The following GGA2 variants were observed in gnomAD, a reference collection of about 807,000 sequenced individuals.
GGA2 encodes the protein ADP-ribosylation factor-binding protein GGA2.
Under a neutral mutation model 79.5 loss-of-function variants are expected in GGA2, and 48 were observed. The ratio of observed to expected loss-of-function variants is 0.60; its 90% CI spans 0.48 to 0.77. The LOEUF is 0.77. Ranked by LOEUF, GGA2 falls within the 30% of genes least tolerant of loss-of-function variation. The probability of loss-of-function intolerance (pLI) is 0.00; values close to 1 mark genes in which losing one functional copy is unlikely to be tolerated. For synonymous variants in GGA2, 317 were observed against 302.0 expected (o/e 1.05, Z -0.51); for missense variants, 770 against 774.0 (o/e 0.99, Z 0.06).
upstream of GGA2, among the ~76,000 whole-genome samples, chr16:23,512,079 C>A (rs550898604): frequency 5.8e-4 from 89 of 152,252 alleles, no homozygotes; most frequent in African/African-American, 2.0e-3. Context: ...GCTGTTGTGC[C>A]GTACCCCTAT....
intron 1 of GGA2, 34 bp downstream of exon 1, chr16:23,510,287 A>C (rs1030467297): frequency 1.5e-6 from 2 of 1,356,716 alleles, no homozygotes; most frequent in African/African-American, 3.1e-5. Context: ...CGTGCGGCGC[A>C]GCGGCTGCGC....
Position 23,465,537 on chromosome 16 carries a change from C to T in GGA2, c.*2053G>A. On this transcript the variant is annotated 3_prime_UTR_variant, in exon 17 of 17. Transcript: ENST00000309859. ...CCTAACTATAGGGGAGAAAGCCTGT[C>T]TTTATGTATAAGTCTCATTCACCCA... 1.6e-6 allele frequency: 1 copy of T among 641,878 alleles called. No individual in the cohort carries two copies. Among genetic ancestry groups the T allele is most frequent in the Non-Finnish European group, 2.8e-6 (1 of 356,314 alleles). 39.8% of individuals were successfully genotyped at this position (641,878 alleles called of 1,614,324 possible). A position where few individuals can be genotyped will look rare whatever the true frequency, so the allele number is the denominator to read the frequency against.
At chr16:23,476,146 T>A (rs535090318) in intron 13 of GGA2, among the ~76,000 whole-genome samples, 3 of 152,288 alleles carry the variant, frequency 2.0e-5, no homozygotes, top group South Asian at 2.1e-4. Context: ...ATCCACTCCA[T>A]GATTTTGTTC....
chr16:23,511,483 G>A (rs989748904), upstream of GGA2, among the ~76,000 whole-genome samples: 1 of 144,972 alleles, frequency 6.9e-6, no homozygotes, highest in Non-Finnish European at 1.5e-5. Flanking sequence ...TTTATTCACA[G>A]AAGGGTTTTC....
intron 14 of GGA2, among the ~76,000 whole-genome samples, chr16:23,474,641 G>C (rs1255975471): frequency 1.3e-5 from 2 of 151,630 alleles, no homozygotes; most frequent in Non-Finnish European, 2.9e-5. Context: ...CCCCCAAATA[G>C]AGACAAGGCT....
At chr16:23,485,572 G>A (rs979912920) in intron 8 of GGA2, among the ~76,000 whole-genome samples, 1 of 152,078 alleles carries the variant, frequency 6.6e-6, no homozygotes, top group African/African-American at 2.4e-5. Context: ...GTACAAAATT[G>A]TTTACAGTAG....
upstream of GGA2, chr16:23,510,556 C>CT (rs1170092760): frequency 2.6e-6 from 1 of 389,608 alleles, no homozygotes; most frequent in Non-Finnish European, 4.5e-6. Context: ...ACCCCAGGCC[C>CT]CCCCTCCACG....
chr16:23,485,095 C>T (rs1027098361), intron 8 of GGA2, among the ~76,000 whole-genome samples: 1 of 152,184 alleles, frequency 6.6e-6, no homozygotes, highest in African/African-American at 2.4e-5. Context: ...GATGGATGCA[C>T]CTGCAAACAT....
chr16:23,467,433 C>G lies in GGA2; in HGVS notation c.*157G>C, dbSNP rs986775774. 1.7e-6 allele frequency: 1 copy of G among 590,090 alleles called. No homozygotes were observed. Among genetic ancestry groups the G allele is most frequent in the South Asian group, 1.8e-5 (1 of 54,380 alleles). The allele number at this position is 590,090 out of a possible 1,614,324, so 36.6% of individuals were successfully genotyped here. On this transcript the variant is annotated 3_prime_UTR_variant, in exon 17 of 17. Transcript: ENST00000309859. ...ACACACACACACACACACACACACACAGAGCATCTGCAGAATAAGTCAGAG... is the reference window on the plus strand; with the variant it reads ...ACACACACACACACACACACACACAGAGAGCATCTGCAGAATAAGTCAGAG...
chr16:23,502,653 G>A (rs879301304), intron 1 of GGA2, among the ~76,000 whole-genome samples: 3 of 152,226 alleles, frequency 2.0e-5, no homozygotes, highest in African/African-American at 4.8e-5. Flanking sequence ...CATATGGAGA[G>A]GAGCAGCGGT....
chr16:23,484,590 A>C (rs190758935), intron 8 of GGA2, among the ~76,000 whole-genome samples: 7 of 152,376 alleles, frequency 4.6e-5, no homozygotes, highest in African/African-American at 1.4e-4. Flanking sequence ...ATTTGCACAG[A>C]CATGTCTTCT....
At chr16:23,506,503 A>G (rs1337072493) in intron 1 of GGA2, among the ~76,000 whole-genome samples, 2 of 152,194 alleles carry the variant, frequency 1.3e-5, no homozygotes, top group East Asian at 1.9e-4. Context: ...CCCTGGGGAA[A>G]CATGGCAGTA....
intron 4 of GGA2, among the ~76,000 whole-genome samples, chr16:23,492,701 T>C (rs976765382): frequency 6.6e-6 from 1 of 152,114 alleles, no homozygotes. Context: ...ACGTGAATCA[T>C]TCTAGGGAAT....
chr16:23,465,486 T>C lies in GGA2; in HGVS notation c.*2104A>G. On this transcript the variant is annotated 3_prime_UTR_variant, in exon 17 of 17. Coordinates refer to ENST00000309859, the MANE Select transcript of GGA2 (RefSeq NM_015044.4). ...TCTGTCTCCTCAAAAGCAAGAATGT[T>C]CAGGTACACATGTGTGAGTTCACCT... The C allele has an allele frequency of 1.4e-6, 1 of 699,204 alleles. No homozygotes were observed. Among genetic ancestry groups the C allele is most frequent in the South Asian group, 1.5e-5 (1 of 67,008 alleles). 43.3% of individuals were successfully genotyped at this position (699,204 alleles called of 1,614,324 possible).
At chr16:23,502,190 G>A (rs528458672) in intron 1 of GGA2, among the ~76,000 whole-genome samples, 3 of 152,296 alleles carry the variant, frequency 2.0e-5, no homozygotes, top group East Asian at 1.9e-4. Flanking sequence ...GAGTGGCATC[G>A]GGGCAAGGCT....
At chr16:23,513,783 C>CAAAAA (rs754377361), upstream of GGA2, among the ~76,000 whole-genome samples, 1 of 47,148 alleles carries the variant, frequency 2.1e-5, no homozygotes, top group African/African-American at 6.1e-5. Flanking sequence ...GACTCTGTCT[C>CAAAAA]AAAAAAAAAA....
intron 1 of GGA2, among the ~76,000 whole-genome samples, chr16:23,509,787 T>TG (rs1965015332): frequency 6.7e-6 from 1 of 149,364 alleles, no homozygotes; most frequent in Non-Finnish European, 1.5e-5. Context: ...TGTGTGTGTG[T>TG]TTAAAAAAAA....
intron 2 of GGA2, among the ~76,000 whole-genome samples, chr16:23,518,822 A>G (rs1169552979): frequency 6.6e-6 from 1 of 152,198 alleles, no homozygotes; most frequent in Non-Finnish European, 1.5e-5. Context: ...CTTGACCCTT[A>G]CTATGTATCT....
chr16:23,493,826 G>A, intron 3 of GGA2: 2 of 301,854 alleles, frequency 6.6e-6, no homozygotes, highest in Non-Finnish European at 6.3e-6. Context: ...GTCACCCACT[G>A]GCACTCAAGA....
Sources: gnomAD v4.1 joint callset for allele counts (sites outside exome capture counted in the v4.1 genomes callset) on GRCh38, gnomAD v4.1.1 for gene constraint, MANE v1.5 for transcripts, NCBI Gene and HGNC (gene_info 2026-07-23, HGNC 2026-07-21) for gene names.